The following CNKSR2 variants were observed in gnomAD, a reference collection of about 807,000 sequenced individuals.
The protein encoded by CNKSR2 is CNK homolog protein 2.
In CNKSR2, 14 loss-of-function variants were observed where a neutral mutation model predicts 84.4. The ratio of observed to expected loss-of-function variants is 0.17; its 90% CI spans 0.11 to 0.26. The LOEUF is 0.26. Ranked by LOEUF, CNKSR2 falls within the 10% of genes least tolerant of loss-of-function variation. The pLI is 1.00. For synonymous variants in CNKSR2, 275 were observed against 277.9 expected, an observed-to-expected ratio of 0.99 and a Z score of 0.10; for missense variants, 485 against 771.2, an observed-to-expected ratio of 0.63 and a Z score of 4.40.
intron 5 of CNKSR2, among the ~76,000 whole-genome samples, chrX:21,474,170 T>C (rs1186143593): frequency 1.8e-5 from 2 of 111,519 alleles, no homozygotes; most frequent in African/African-American, 6.5e-5. Flanking sequence ...TTTTCCTTGT[T>C]TCTATGATAC....
chrX:21,525,927 C>G (rs575812640), intron 9 of CNKSR2, among the ~76,000 whole-genome samples: 5 of 110,770 alleles, frequency 4.5e-5, no homozygotes, highest in African/African-American at 1.6e-4. Context: ...GTATACATAG[C>G]TAATCATTAA....
chrX:21,459,224 A>G (rs1443691760), intron 4 of CNKSR2, among the ~76,000 whole-genome samples: 1 of 109,939 alleles, frequency 9.1e-6, no homozygotes, highest in East Asian at 2.9e-4. Context: ...GGGTTTCACC[A>G]TGTTGGCCAA....
At chrX:21,394,567 A>G (rs977024987) in intron 1 of CNKSR2, among the ~76,000 whole-genome samples, 1 of 111,478 alleles carries the variant, frequency 9.0e-6, no homozygotes, top group Non-Finnish European at 1.9e-5. Context: ...ACTCAATACA[A>G]AGGTCCTAAA....
chrX:21,576,451 T>C (rs934271901), intron 13 of CNKSR2, among the ~76,000 whole-genome samples: 7 of 111,366 alleles, frequency 6.3e-5, no homozygotes, highest in Non-Finnish European at 1.1e-4. Context: ...TCTCAGCCCC[T>C]ACCTCAAGAA....
intron 1 of CNKSR2, 136 bp from the exon 2 acceptor site, chrX:21,426,361 A>T (rs2090564602): frequency 1.9e-6 from 1 of 516,929 alleles, no homozygotes; most frequent in African/African-American, 2.4e-5. Flanking sequence ...GAAAGGGCGA[A>T]GGATTTGGCT....
intron 9 of CNKSR2, among the ~76,000 whole-genome samples, chrX:21,522,804 A>T (rs2091798087): frequency 9.0e-6 from 1 of 110,785 alleles, no homozygotes; most frequent in East Asian, 2.8e-4. Flanking sequence ...TTTAAGCTGG[A>T]TGAGTAAGAT....
chrX:21,589,113 A>ATG (rs950847934), intron 13 of CNKSR2, among the ~76,000 whole-genome samples: 5 of 112,343 alleles, frequency 4.5e-5, no homozygotes, highest in African/African-American at 9.7e-5. Flanking sequence ...AAAGTTTGAT[A>ATG]TGTGTGTGTG....
intron 5 of CNKSR2, among the ~76,000 whole-genome samples, chrX:21,481,218 G>A (rs1366120107): frequency 3.6e-5 from 4 of 111,368 alleles, no homozygotes; most frequent in Non-Finnish European, 7.5e-5. Flanking sequence ...TATTATTTTT[G>A]TCCCAATTGT....
At chrX:21,598,904 A>C (rs935082937) in intron 17 of CNKSR2, among the ~76,000 whole-genome samples, 1 of 112,621 alleles carries the variant, frequency 8.9e-6, no homozygotes, top group Non-Finnish European at 1.9e-5. Context: ...TAAAATATTA[A>C]ATTATAACTG....
rs184123664 is a variant in CNKSR2 at position 21,520,723 on chromosome X, A to G, written c.957+4092A>G. On this transcript the variant is annotated intron_variant, in intron 9 of 21. Coordinates refer to ENST00000379510, the MANE Select transcript of CNKSR2 (RefSeq NM_014927.5). ...TTTTTGGTGAGAATGCATCTCAGAAATGATCACTAAAATCAGTGCTGGAAT... is the reference window on the plus strand; with the variant it reads ...TTTTTGGTGAGAATGCATCTCAGAAGTGATCACTAAAATCAGTGCTGGAAT... 3.3e-3 allele frequency among the ~76,000 whole-genome samples: 362 copies of G among 108,582 alleles called. 1 individual carries two copies. The highest frequency in any genetic ancestry group is 0.012 in the African/African-American group (349 of 30,156). 94.3% of individuals were successfully genotyped at this position (108,582 alleles called of 115,157 possible). A position where few individuals can be genotyped will look rare whatever the true frequency, so the allele number is the denominator to read the frequency against.
intron 17 of CNKSR2, among the ~76,000 whole-genome samples, chrX:21,597,014 C>T (rs924740100): frequency 9.0e-6 from 1 of 111,307 alleles, no homozygotes; most frequent in Admixed American, 9.6e-5. Flanking sequence ...GGGATAAATA[C>T]GAAGAATTTT....
At chrX:21,516,656 T>C in intron 9 of CNKSR2, 25 bp downstream of exon 9, 1 of 1,172,694 alleles carries the variant, frequency 8.5e-7, no homozygotes, top group Non-Finnish European at 1.2e-6. Flanking sequence ...TCATAAGTCA[T>C]ACACCATCAT....
intron 1 of CNKSR2, among the ~76,000 whole-genome samples, chrX:21,416,454 A>G (rs141859904): frequency 1.8e-5 from 2 of 111,225 alleles, no homozygotes; most frequent in East Asian, 2.8e-4. Context: ...TGCCTCATGT[A>G]ATGAGTTTGG....
At chrX:21,544,038 A>G (rs1302255674) in intron 11 of CNKSR2, among the ~76,000 whole-genome samples, 2 of 111,462 alleles carry the variant, frequency 1.8e-5, no homozygotes, top group Non-Finnish European at 3.8e-5. Flanking sequence ...GATGCCTTAG[A>G]TGGTATAATA....
At chrX:21,604,821 A>G (rs2092506775) in intron 18 of CNKSR2, among the ~76,000 whole-genome samples, 1 of 111,102 alleles carries the variant, frequency 9.0e-6, no homozygotes, top group Non-Finnish European at 1.9e-5. Flanking sequence ...TCAAGCTCTC[A>G]CAAAACTACC....
intron 1 of CNKSR2, among the ~76,000 whole-genome samples, chrX:21,417,413 C>T (rs2090437159): frequency 8.9e-6 from 1 of 111,802 alleles, no homozygotes; most frequent in South Asian, 3.7e-4. Flanking sequence ...ATATTCTATA[C>T]ATGTCTGTTA....
chrX:21,398,907 C>A (rs1197863699), intron 1 of CNKSR2, among the ~76,000 whole-genome samples: 1 of 108,941 alleles, frequency 9.2e-6, no homozygotes, highest in Non-Finnish European at 1.9e-5. Context: ...AATGAAAGCA[C>A]CTTGTATAGT....
chrX:21,524,263 T>A (rs1202259182), intron 9 of CNKSR2, among the ~76,000 whole-genome samples: 1 of 111,148 alleles, frequency 9.0e-6, no homozygotes, highest in African/African-American at 3.2e-5. Context: ...ACAAGCCAGA[T>A]GAGTTAAGCA....
chrX:21,536,096 CT>C (rs1369658271), intron 11 of CNKSR2, among the ~76,000 whole-genome samples: 1 of 110,922 alleles, frequency 9.0e-6, no homozygotes, highest in African/African-American at 3.3e-5. Context: ...TATTAAGTGG[CT>C]TTTTTGTGTA....
Sources: gnomAD v4.1 joint callset for allele counts (sites outside exome capture counted in the v4.1 genomes callset) on GRCh38, gnomAD v4.1.1 for gene constraint, MANE v1.5 for transcripts, NCBI Gene and HGNC (gene_info 2026-07-23, HGNC 2026-07-21) for gene names.